The following CDH18 variants were observed in gnomAD, a reference collection of about 807,000 sequenced individuals.
CDH18 encodes the protein cadherin-18.
In CDH18, 31 loss-of-function variants were observed where a neutral mutation model predicts 67.9. That is an observed-to-expected ratio of 0.46 (90% CI 0.34 to 0.62). CDH18 has a LOEUF of 0.62. Ranked by LOEUF, CDH18 falls within the 20% of genes least tolerant of loss-of-function variation. The pLI, the probability that CDH18 is intolerant of heterozygous loss-of-function variation, is 0.01. For synonymous variants in CDH18, 362 were observed against 347.2 expected (o/e 1.04, Z -0.48); for missense variants, 890 against 975.5 (o/e 0.91, Z 1.17).
intron 3 of CDH18, among the ~76,000 whole-genome samples, chr5:19,755,458 T>TATATATAA (rs1290776275): frequency 1.1e-4 from 1 of 9,452 alleles, no homozygotes. Context: ...TATATATATA[T>TATATATAA]ACACACACAC....
chr5:20,407,538 G>A (rs376087013), intron 1 of CDH18, among the ~76,000 whole-genome samples: 32 of 146,710 alleles, frequency 2.2e-4, no homozygotes, highest in African/African-American at 6.7e-4. Context: ...CAGAATCTCA[G>A]GGAAAAAATG....
At chr5:19,749,854 G>A (rs970909911) in intron 3 of CDH18, among the ~76,000 whole-genome samples, 3 of 151,224 alleles carry the variant, frequency 2.0e-5, no homozygotes, top group African/African-American at 4.8e-5. Flanking sequence ...ATAATACCTA[G>A]TTAACAGCAT....
chr5:20,502,863 G>A (rs950605894), intron 1 of CDH18, among the ~76,000 whole-genome samples: 2 of 152,108 alleles, frequency 1.3e-5, no homozygotes, highest in African/African-American at 4.8e-5. Flanking sequence ...GCCATGACAA[G>A]TTCAGAACCT....
Position 20,220,191 on chromosome 5 carries a change from C to T in CDH18, c.-518+35253G>A, listed in dbSNP as rs1193457070. Among the ~76,000 whole-genome samples the T allele has an allele frequency of 9.2e-5, 14 of 151,728 alleles. 1 individual carries two copies. The highest frequency in any genetic ancestry group is 3.9e-4 in the East Asian group (2 of 5,162). Reference sequence around the variant, plus strand: ...GCTATTCTGAGCAAAAAGAGCAAAACGGGAGGAACCATGTTACCTGACATC... The same window carrying T: ...GCTATTCTGAGCAAAAAGAGCAAAATGGGAGGAACCATGTTACCTGACATC... On this transcript the variant is annotated intron_variant, in intron 2 of 14. Transcript: ENST00000507958.
chr5:19,995,228 C>T (rs1238805038), intron 2 of CDH18, among the ~76,000 whole-genome samples: 2 of 151,904 alleles, frequency 1.3e-5, no homozygotes, highest in African/African-American at 4.8e-5. Context: ...ATCACTTAGC[C>T]CAGTCACATT....
Position 19,520,794 on chromosome 5 carries a change from G to T in CDH18, c.1391-16C>A. Reference sequence around the variant, plus strand: ...TCAGGATTATCTGCAAAATACACAGGAATGTATTTAGTATTTCCATGCACA... The same window carrying T: ...TCAGGATTATCTGCAAAATACACAGTAATGTATTTAGTATTTCCATGCACA... On this transcript the variant is annotated splice_polypyrimidine_tract_variant and intron_variant, in intron 9 of 12. Coordinates refer to ENST00000382275, the MANE Select transcript of CDH18 (RefSeq NM_004934.5). The T allele has an allele frequency of 6.2e-7, 1 of 1,611,370 alleles. No individual in the cohort carries two copies. Among genetic ancestry groups the T allele is most frequent in the South Asian group, 1.1e-5 (1 of 90,842 alleles).
intron 1 of CDH18, among the ~76,000 whole-genome samples, chr5:20,465,293 G>C (rs951704906): frequency 1.3e-5 from 2 of 151,874 alleles, no homozygotes; most frequent in African/African-American, 4.8e-5. Context: ...AAAAATTCAG[G>C]GGAAGCACTA....
intron 2 of CDH18, among the ~76,000 whole-genome samples, chr5:20,211,311 G>A (rs957145561): frequency 6.6e-6 from 1 of 152,054 alleles, no homozygotes; most frequent in Non-Finnish European, 1.5e-5. Flanking sequence ...TCCACCTCTG[G>A]GGGTAGGACA....
intron 8 of CDH18, among the ~76,000 whole-genome samples, chr5:19,562,558 T>G (rs1383493069): frequency 6.6e-6 from 1 of 152,098 alleles, no homozygotes; most frequent in South Asian, 2.1e-4. Flanking sequence ...GCTGAGAAAA[T>G]ACTTTTAATA....
chr5:19,655,368 T>C (rs1372601827), intron 5 of CDH18, among the ~76,000 whole-genome samples: 2 of 151,902 alleles, frequency 1.3e-5, no homozygotes, highest in African/African-American at 4.8e-5. Context: ...TTGTGCATTA[T>C]AGACATTAGA....
chr5:20,486,910 T>A (rs944129302), intron 1 of CDH18, among the ~76,000 whole-genome samples: 1 of 152,158 alleles, frequency 6.6e-6, no homozygotes, highest in African/African-American at 2.4e-5. Flanking sequence ...GTTGCTGGGA[T>A]GTCTCAACAT....
rs564113283 is a variant in CDH18 at position 19,545,168 on chromosome 5, C to T, written c.1254-1163G>A. On this transcript the variant is annotated intron_variant, in intron 8 of 12. Coordinates refer to ENST00000382275, the MANE Select transcript of CDH18 (RefSeq NM_004934.5). The stretch of plus-strand genomic sequence containing the variant: ...GCTTTTTTCTCTTTTTAAATCTCAG[C>T]TTAAGTAATATTTTATCTAGACCTG... Among the ~76,000 whole-genome samples, 3 of 152,222 alleles carry T rather than the reference C, an allele frequency of 2.0e-5. No homozygotes were observed. In the East Asian group the frequency reaches 5.8e-4, roughly 29 times the overall value.
At chr5:20,049,331 A>G (rs1316128342) in intron 2 of CDH18, among the ~76,000 whole-genome samples, 1 of 151,662 alleles carries the variant, frequency 6.6e-6, no homozygotes, top group African/African-American at 2.4e-5. Flanking sequence ...AAAAAAAAAT[A>G]CATGACACTG....
At chr5:19,571,229 T>G (rs1445303375) in intron 8 of CDH18, among the ~76,000 whole-genome samples, 3 of 152,220 alleles carry the variant, frequency 2.0e-5, no homozygotes, top group Non-Finnish European at 4.4e-5. Context: ...CATCACGCTT[T>G]GTACTATATC....
chr5:20,546,624 A>G (rs1175015357), intron 1 of CDH18, among the ~76,000 whole-genome samples: 1 of 152,108 alleles, frequency 6.6e-6, no homozygotes, highest in East Asian at 1.9e-4. Flanking sequence ...CAATAATAAC[A>G]TGGGAGAAAC....
chr5:19,670,051 G>A (rs1204256006), intron 5 of CDH18, among the ~76,000 whole-genome samples: 1 of 151,994 alleles, frequency 6.6e-6, no homozygotes, highest in Non-Finnish European at 1.5e-5. Context: ...TTTGACATGA[G>A]GTCTTTAGAA....
intron 8 of CDH18, among the ~76,000 whole-genome samples, chr5:19,559,921 CAAACAAAAAAA>C (rs1278987881): frequency 7.6e-6 from 1 of 131,612 alleles, no homozygotes; most frequent in Non-Finnish European, 1.7e-5. Context: ...GTTGCAAAAA[CAAACAAAAAAA>C]AAACTCAGGA....
At chr5:20,255,246 T>C (rs932242844) in intron 2 of CDH18, among the ~76,000 whole-genome samples, 10 of 152,070 alleles carry the variant, frequency 6.6e-5, no homozygotes, top group Admixed American at 5.2e-4. Context: ...AAACAAAAGT[T>C]GAGTTTCTTA....
chr5:19,786,770 G>A (rs1775823161), intron 3 of CDH18, among the ~76,000 whole-genome samples: 2 of 152,048 alleles, frequency 1.3e-5, no homozygotes, highest in Admixed American at 1.3e-4. Context: ...AATCTTAGTA[G>A]GTTACCACCA....
Sources: allele counts gnomAD v4.1 joint callset (sites outside exome capture counted in the v4.1 genomes callset), GRCh38; gene constraint gnomAD v4.1.1; transcripts MANE v1.5; gene names NCBI Gene and HGNC (gene_info 2026-07-23, HGNC 2026-07-21).